Variants in ANKRD44 observed in about 807,000 individuals in gnomAD.
ANKRD44 encodes the protein serine/threonine-protein phosphatase 6 regulatory ankyrin repeat subunit B.
A neutral mutation model predicts 116.0 loss-of-function variants in ANKRD44; 35 were observed. The ratio of observed to expected loss-of-function variants is 0.30; its 90% CI spans 0.23 to 0.40. The LOEUF (loss-of-function observed/expected upper bound fraction) is 0.40. Among genes scored for constraint, ANKRD44 ranks in the 10% least tolerant of loss-of-function variants. The pLI is 1.00. For synonymous variants in ANKRD44, 435 were observed against 461.8 expected (o/e 0.94, Z 0.74); for missense variants, 1,014 against 1,242.6 (o/e 0.82, Z 2.77).
chr2:197,025,149 T>C lies in ANKRD44; in HGVS notation c.1722+47A>G, dbSNP rs759523291. 5 of 1,555,696 alleles carry C rather than the reference T, an allele frequency of 3.2e-6. No homozygotes were observed. The South Asian group carries it at 5.6e-5, about 17-fold the overall frequency. On this transcript the variant is annotated intron_variant, in intron 17 of 27. Transcript: ENST00000282272. ...AGAGCAATCTAGTTTTAGGAATGCT[T>C]AGGTTGTTTTTGTAACAGGTGAAGC... is the stretch of plus-strand genomic sequence containing the variant.
chr2:197,219,941 C>G (rs1477433004), intron 1 of ANKRD44, among the ~76,000 whole-genome samples: 1 of 152,122 alleles, frequency 6.6e-6, no homozygotes, highest in Non-Finnish European at 1.5e-5. Flanking sequence ...ACAAAAATTT[C>G]CCTTTATTTT....
At chr2:197,241,378 G>A (rs997948527) in intron 1 of ANKRD44, among the ~76,000 whole-genome samples, 5 of 152,122 alleles carry the variant, frequency 3.3e-5, no homozygotes, top group African/African-American at 7.2e-5. Flanking sequence ...ATGCATCATG[G>A]ATCTCCAAGA....
chr2:197,081,580 C>T (rs2077796527), intron 15 of ANKRD44, 65 bp downstream of exon 15: 2 of 1,444,090 alleles, frequency 1.4e-6, no homozygotes, highest in African/African-American at 1.4e-5. Flanking sequence ...GGCAACGTGG[C>T]AACTCAGAAA....
intron 1 of ANKRD44, among the ~76,000 whole-genome samples, chr2:197,295,688 G>C (rs971642072): frequency 6.6e-6 from 1 of 152,112 alleles, no homozygotes; most frequent in Non-Finnish European, 1.5e-5. Flanking sequence ...GACTGGCCAG[G>C]ATCTCACAGC....
chr2:196,967,592 A>C (rs560479302), intron 21 of ANKRD44: 3 of 363,506 alleles, frequency 8.3e-6, no homozygotes, highest in Non-Finnish European at 1.7e-5. Flanking sequence ...AAATATTTGC[A>C]GAAATATGAT....
intron 1 of ANKRD44, among the ~76,000 whole-genome samples, chr2:197,280,518 C>T (rs890123951): frequency 6.6e-6 from 1 of 152,122 alleles, no homozygotes; most frequent in Non-Finnish European, 1.5e-5. Context: ...AACAGAGAAA[C>T]ACAGAGATCC....
At chr2:197,246,951 A>T (rs913187428) in intron 1 of ANKRD44, among the ~76,000 whole-genome samples, 1 of 152,182 alleles carries the variant, frequency 6.6e-6, no homozygotes. Context: ...TCTAATGTCA[A>T]CAAAATAAAA....
intron 16 of ANKRD44, among the ~76,000 whole-genome samples, chr2:197,034,229 G>C (rs16860892): frequency 0.041 from 6,230 of 152,110 alleles, 399 homozygotes; most frequent in African/African-American, 0.14. Flanking sequence ...CACAGTTATA[G>C]CTAAGAATAC....
intron 25 of ANKRD44, 50 bp downstream of exon 25, chr2:196,998,275 GTGTTATTATTAC>G: frequency 8.1e-7 from 1 of 1,241,964 alleles, no homozygotes; most frequent in Non-Finnish European, 1.2e-6. Flanking sequence ...TAGAATTTCA[GTGTTATTATTAC>G]TGTTATTATT....
chr2:197,142,405 T>C (rs1235113722), intron 3 of ANKRD44, among the ~76,000 whole-genome samples: 1 of 152,184 alleles, frequency 6.6e-6, no homozygotes, highest in Non-Finnish European at 1.5e-5. Flanking sequence ...TGAAAAGTCA[T>C]AAAAATATGA....
chr2:197,070,576 G>T (rs1021210076), intron 16 of ANKRD44, among the ~76,000 whole-genome samples: 1 of 152,090 alleles, frequency 6.6e-6, no homozygotes, highest in Non-Finnish European at 1.5e-5. Flanking sequence ...AAACAGGCTT[G>T]CATCCCTGTA....
intron 1 of ANKRD44, among the ~76,000 whole-genome samples, chr2:197,257,595 A>G (rs2712894): frequency 0.3 from 45,129 of 152,040 alleles, 6,826 homozygotes; most frequent in South Asian, 0.35. Context: ...TAATTGGATT[A>G]TTTGTAACAC....
intron 1 of ANKRD44, among the ~76,000 whole-genome samples, chr2:197,202,638 CCA>C (rs34995591): frequency 0.11 from 16,631 of 152,072 alleles, 2,203 homozygotes; most frequent in African/African-American, 0.31. Flanking sequence ...AGTGGCATAA[CCA>C]CAGTTCACTG....
At chr2:197,060,127 G>T (rs1397251905) in intron 16 of ANKRD44, among the ~76,000 whole-genome samples, 1 of 152,128 alleles carries the variant, frequency 6.6e-6, no homozygotes, top group Non-Finnish European at 1.5e-5. Context: ...ATAATGATAA[G>T]AATAATAGAA....
intron 25 of ANKRD44, among the ~76,000 whole-genome samples, chr2:196,997,430 T>C (rs4850741): frequency 0.56 from 81,196 of 145,580 alleles, 25,039 homozygotes; most frequent in East Asian, 0.81. Context: ...ATTATATATA[T>C]ATATAATTTT....
intron 1 of ANKRD44, among the ~76,000 whole-genome samples, chr2:197,283,587 T>G (rs2083324946): frequency 6.6e-6 from 1 of 152,192 alleles, no homozygotes. Context: ...ATTACAGCCT[T>G]AATAGAAACA....
intron 8 of ANKRD44, among the ~76,000 whole-genome samples, chr2:197,114,823 A>G (rs936509108): frequency 6.6e-6 from 1 of 152,208 alleles, no homozygotes; most frequent in Non-Finnish European, 1.5e-5. Flanking sequence ...AATTCAATGC[A>G]AGAGCCTCCT....
chr2:197,051,681 T>G (rs763393719), intron 16 of ANKRD44, among the ~76,000 whole-genome samples: 6 of 152,216 alleles, frequency 3.9e-5, no homozygotes, highest in Non-Finnish European at 5.9e-5. Flanking sequence ...TGTATCTCAC[T>G]TATAAATAAG....
At chr2:197,295,960 C>T (rs145677831) in intron 1 of ANKRD44, among the ~76,000 whole-genome samples, 158 of 151,932 alleles carry the variant, frequency 1.0e-3, no homozygotes, top group African/African-American at 3.7e-3. Flanking sequence ...GAGGCTGAAG[C>T]GGGAGGATCA....
Sources: allele counts gnomAD v4.1 joint callset (sites outside exome capture counted in the v4.1 genomes callset), GRCh38; gene constraint gnomAD v4.1.1; transcripts MANE v1.5; gene names NCBI Gene and HGNC (gene_info 2026-07-23, HGNC 2026-07-21).